ICA1: variants seen among roughly 807,000 people sequenced by gnomAD.
ICA1 encodes islet cell autoantigen 1.
ICA1 carries 40 observed loss-of-function variants against 71.0 expected under a neutral mutation model. The observed-to-expected ratio is 0.56, with a 90% confidence interval of 0.44 to 0.73. The LOEUF (loss-of-function observed/expected upper bound fraction) is 0.73. Ranked by LOEUF, ICA1 falls within the 30% of genes least tolerant of loss-of-function variation. The pLI is 0.00. For missense variants in ICA1, 578 were observed against 576.5 expected (o/e 1.00, Z -0.03); for synonymous variants, 207 against 209.5 (o/e 0.99, Z 0.10).
At chr7:8,206,559 A>T (rs1791597960) in intron 6 of ICA1, among the ~76,000 whole-genome samples, 1 of 152,110 alleles carries the variant, frequency 6.6e-6, no homozygotes, top group Non-Finnish European at 1.5e-5. Flanking sequence ...AATTATTTTA[A>T]TGGGTAACCC....
chr7:8,220,204 A>G (rs984821085), intron 5 of ICA1, among the ~76,000 whole-genome samples: 9 of 152,324 alleles, frequency 5.9e-5, no homozygotes, highest in African/African-American at 1.7e-4. Context: ...ACTACTAGAA[A>G]TGGTTTCATT....
At chr7:8,148,173 T>C (rs904322819) in intron 8 of ICA1, among the ~76,000 whole-genome samples, 1 of 152,154 alleles carries the variant, frequency 6.6e-6, no homozygotes, top group Non-Finnish European at 1.5e-5. Flanking sequence ...AAATTTATCA[T>C]AAAAAATCCT....
chr7:8,176,280 G>A (rs1181093748), intron 6 of ICA1, among the ~76,000 whole-genome samples: 1 of 152,196 alleles, frequency 6.6e-6, no homozygotes, highest in East Asian at 1.9e-4. Flanking sequence ...CTTCTGTACT[G>A]CCTCTGCCTG....
chr7:8,235,269 G>T (rs1801489745), intron 2 of ICA1, among the ~76,000 whole-genome samples: 1 of 152,104 alleles, frequency 6.6e-6, no homozygotes, highest in Non-Finnish European at 1.5e-5. Flanking sequence ...ACAAAGATCT[G>T]CTTGCTTGGT....
chr7:8,180,386 C>CT (rs1781844074), intron 6 of ICA1, among the ~76,000 whole-genome samples: 4 of 151,992 alleles, frequency 2.6e-5, no homozygotes, highest in Non-Finnish European at 4.4e-5. Flanking sequence ...GTATGGTATC[C>CT]TATTGAATGA....
intron 5 of ICA1, among the ~76,000 whole-genome samples, chr7:8,219,558 T>C (rs17145530): frequency 0.048 from 7,317 of 152,320 alleles, 572 homozygotes; most frequent in African/African-American, 0.16. Flanking sequence ...TGTAAAGTAT[T>C]GTTTTTAAAT....
In ICA1 at chr7:8,138,842, C is replaced by T. The variant is rs1347456064; in HGVS notation, c.1058G>A (p.Gly353Asp). ...CCAAAGAAACACATAAATCTTACCA[C>T]CTTCCTCAGATTTCATGTCTAATAG... Reference protein sequence around the residue: ...DELLDMKSEEGACLGPVAGTP... With the variant: ...DELLDMKSEEDACLGPVAGTP... Residue 353 changes from glycine (G) to aspartate (D), a missense_variant and splice_region_variant, in exon 12 of 14, where the codon GGT (glycine) becomes GAT (aspartate). Transcript: ENST00000402384. 2 of 1,600,852 alleles carry T rather than the reference C, an allele frequency of 1.2e-6. No individual in the cohort carries two copies. The highest frequency in any genetic ancestry group is 1.7e-6 in the Non-Finnish European group (2 of 1,169,278).
intron 1 of ICA1, among the ~76,000 whole-genome samples, chr7:8,253,878 A>C (rs1809091257): frequency 6.6e-6 from 1 of 152,224 alleles, no homozygotes; most frequent in Non-Finnish European, 1.5e-5. Flanking sequence ...GTGTGAAGGA[A>C]GAACCAAGAG....
intron 2 of ICA1, 44 bp downstream of exon 2, chr7:8,235,866 T>A (rs763874113): frequency 2.5e-6 from 4 of 1,592,118 alleles, no homozygotes; most frequent in African/African-American, 2.7e-5. Flanking sequence ...ATATGCTATA[T>A]GCTTTCTACT....
chr7:8,183,854 T>C (rs183587847), intron 6 of ICA1, among the ~76,000 whole-genome samples: 11 of 152,312 alleles, frequency 7.2e-5, no homozygotes, highest in African/African-American at 2.2e-4. Flanking sequence ...AGATAAGGCA[T>C]GATCTCTACT....
intron 8 of ICA1, among the ~76,000 whole-genome samples, chr7:8,146,210 G>C (rs1796839854): frequency 6.6e-6 from 1 of 152,196 alleles, no homozygotes; most frequent in African/African-American, 2.4e-5. Context: ...CCGAGGGATA[G>C]AAAGTGATTG....
intron 13 of ICA1, among the ~76,000 whole-genome samples, chr7:8,125,069 A>G (rs577093515): frequency 6.6e-6 from 1 of 152,256 alleles, no homozygotes. Context: ...GATTACAGGT[A>G]TGAGCCACCT....
At chr7:8,154,636 AATTTCAAAATGGCC>A (rs1315672584) in intron 8 of ICA1, among the ~76,000 whole-genome samples, 1 of 152,222 alleles carries the variant, frequency 6.6e-6, no homozygotes, top group East Asian at 1.9e-4. Context: ...TATTTACTTA[AATTTCAAAATGGCC>A]ATTATCAACA....
intron 13 of ICA1, among the ~76,000 whole-genome samples, chr7:8,125,000 G>C (rs1447767112): frequency 6.6e-6 from 1 of 152,042 alleles, no homozygotes; most frequent in African/African-American, 2.4e-5. Flanking sequence ...TGTTGGCCAG[G>C]CTGGTCTCAA....
In ICA1 at chr7:8,165,873, T is replaced by C. The variant is rs1380714957; in HGVS notation, c.580-7221A>G. On this transcript the variant is annotated intron_variant, in intron 6 of 13. Coordinates refer to ENST00000402384, the MANE Select transcript of ICA1 (RefSeq NM_001136020.3). Reference sequence around the variant, plus strand: ...AAACACTGCTCAGTGAAATCAGAGATGACACAGATGGAAAAATATTCCATG... The same window carrying C: ...AAACACTGCTCAGTGAAATCAGAGACGACACAGATGGAAAAATATTCCATG... Among the ~76,000 whole-genome samples, 4 of 152,076 alleles carry C rather than the reference T, an allele frequency of 2.6e-5. No homozygotes were observed. In the South Asian group the frequency reaches 8.3e-4, roughly 32 times the overall value.
chr7:8,200,589 G>C (rs1383638649), intron 6 of ICA1, among the ~76,000 whole-genome samples: 1 of 152,138 alleles, frequency 6.6e-6, no homozygotes, highest in East Asian at 1.9e-4. Context: ...AAGGGGCCTT[G>C]CTGGGAATCA....
chr7:8,190,898 AGTGCAG>A (rs1785367326), intron 6 of ICA1, among the ~76,000 whole-genome samples: 2 of 152,342 alleles, frequency 1.3e-5, no homozygotes, highest in South Asian at 4.1e-4. Context: ...GCTTTGACTT[AGTGCAG>A]AAAAATTAAA....
intron 13 of ICA1, among the ~76,000 whole-genome samples, chr7:8,119,889 T>C (rs538022062): frequency 1.0e-3 from 158 of 152,314 alleles, no homozygotes; most frequent in African/African-American, 3.7e-3. Context: ...ACAAATTATA[T>C]TTTCAAACAT....
chr7:8,136,474 T>C (rs1562594921), intron 12 of ICA1, among the ~76,000 whole-genome samples: 1 of 152,220 alleles, frequency 6.6e-6, no homozygotes, highest in Non-Finnish European at 1.5e-5. Flanking sequence ...GAGTGTTCTT[T>C]TCTTCAGTCA....
Sources: allele counts gnomAD v4.1 joint callset (sites outside exome capture counted in the v4.1 genomes callset), GRCh38; gene constraint gnomAD v4.1.1; transcripts MANE v1.5; gene names NCBI Gene and HGNC (gene_info 2026-07-23, HGNC 2026-07-21).